The following SRGAP2B variants were observed in gnomAD, a reference collection of about 807,000 sequenced individuals.
SRGAP2B encodes SLIT-ROBO Rho GTPase activating protein 2B, also known as SLIT-ROBO Rho GTPase-activating protein 2B.
In SRGAP2B, 9 loss-of-function variants were observed where a neutral mutation model predicts 22.2. The observed-to-expected ratio is 0.41, with a 90% CI of 0.24 to 0.71. The LOEUF is 0.71. SRGAP2B is among the 30% of genes least tolerant of loss of function. SRGAP2B has a pLI of 0.35. For missense variants in SRGAP2B, 114 were observed against 235.8 expected (o/e 0.48, Z 3.38); for synonymous variants, 36 against 87.4 (o/e 0.41, Z 3.28).
chr1:145,064,813 T>C (rs1204817795), intron 2 of SRGAP2B, among the ~76,000 whole-genome samples: 1 of 148,740 alleles, frequency 6.7e-6, no homozygotes, highest in Non-Finnish European at 1.5e-5. Context: ...GAGATAATCA[T>C]AATACACAGG....
chr1:144,907,575 G>C (rs1366916317), intron 5 of SRGAP2B, among the ~76,000 whole-genome samples: 4 of 150,022 alleles, frequency 2.7e-5, no homozygotes, highest in Non-Finnish European at 5.9e-5. Flanking sequence ...TCTCAACCTG[G>C]GGCTATTTTG....
At chr1:145,020,507 C>T (rs587615305) in intron 2 of SRGAP2B, among the ~76,000 whole-genome samples, 1 of 146,352 alleles carries the variant, frequency 6.8e-6, no homozygotes, top group South Asian at 2.1e-4. Flanking sequence ...CACAACTACC[C>T]AGCATTCTTG....
exon 10 of SRGAP2B, chr1:144,888,960 T>G (rs1216078069): frequency 6.9e-6 from 1 of 145,276 alleles, no homozygotes; most frequent in African/African-American, 2.7e-5. Flanking sequence ...TTTTAATCTT[T>G]CTTTTTTTTT....
intron 2 of SRGAP2B, among the ~76,000 whole-genome samples, chr1:145,007,855 G>A (rs1245097351): frequency 1.1e-5 from 1 of 94,880 alleles, no homozygotes; most frequent in Non-Finnish European, 1.9e-5. Context: ...TGCCCAGGCT[G>A]GAGTGCAATA....
At chr1:145,020,946 T>A (rs1338099325) in intron 2 of SRGAP2B, among the ~76,000 whole-genome samples, 2 of 149,034 alleles carry the variant, frequency 1.3e-5, no homozygotes, top group African/African-American at 5.1e-5. Flanking sequence ...ATTACAAGCG[T>A]GCGCCACCAT....
At position 145,013,150 on chromosome 1, in the gene SRGAP2B, T is replaced by TC. The variant is rs1672181972; in HGVS notation, c.68-17951_68-17950insG. ...ATAAGAATATCCCTTTCAAATAAGCTGACACTTTTTGAACATGTAATAACC... is the reference window on the plus strand; with the variant it reads ...ATAAGAATATCCCTTTCAAATAAGCTCGACACTTTTTGAACATGTAATAACC... On this transcript the variant is annotated intron_variant, in intron 2 of 9. Transcript: ENST00000612199. Among the ~76,000 whole-genome samples, 2 of 150,072 alleles carry TC rather than the reference T, an allele frequency of 1.3e-5. 1 individual carries two copies. Among genetic ancestry groups the TC allele is most frequent in the African/African-American group, 5.0e-5 (2 of 39,758 alleles).
intron 4 of SRGAP2B, among the ~76,000 whole-genome samples, chr1:144,921,193 T>C (rs1160022548): frequency 7.2e-6 from 1 of 138,136 alleles, no homozygotes; most frequent in Non-Finnish European, 1.5e-5. Flanking sequence ...AGATCAATTT[T>C]TTTTCCTGTC....
intron 3 of SRGAP2B, among the ~76,000 whole-genome samples, chr1:144,958,266 C>A (rs1667420159): frequency 1.3e-5 from 2 of 151,016 alleles, no homozygotes; most frequent in Non-Finnish European, 2.9e-5. Context: ...AAGGTGTCCT[C>A]AAAAGAAAAG....
intron 2 of SRGAP2B, among the ~76,000 whole-genome samples, chr1:145,021,507 A>G (rs1163674164): frequency 9.6e-6 from 1 of 104,332 alleles, no homozygotes; most frequent in Non-Finnish European, 1.9e-5. Context: ...GCATGAAGAA[A>G]AACAATTTTG....
chr1:145,019,878 G>A (rs1222149488), intron 2 of SRGAP2B, among the ~76,000 whole-genome samples: 13 of 150,470 alleles, frequency 8.6e-5, no homozygotes, highest in South Asian at 2.1e-4. Flanking sequence ...GTCCTTTTCC[G>A]CCTCATTCCC....
intron 3 of SRGAP2B, among the ~76,000 whole-genome samples, chr1:144,988,694 T>G (rs1164112337): frequency 6.7e-5 from 10 of 149,392 alleles, no homozygotes; most frequent in Non-Finnish European, 1.3e-4. Context: ...ACTCCGAAGA[T>G]TCTGCTAGCT....
chr1:144,930,613 G>A (rs1665099884), intron 4 of SRGAP2B, among the ~76,000 whole-genome samples: 1 of 150,804 alleles, frequency 6.6e-6, no homozygotes, highest in South Asian at 2.1e-4. Context: ...CGTGAGACAT[G>A]TGAAAATGTC....
rs201885834 is a variant in SRGAP2B, at chr1:144,995,928, A to AT, written c.68-729dup. Among the ~76,000 whole-genome samples the AT allele has an allele frequency of 2.0e-5, 3 of 150,676 alleles. 1 individual carries two copies. Among genetic ancestry groups the AT allele is most frequent in the Non-Finnish European group, 4.4e-5 (3 of 67,956 alleles). On this transcript the variant is annotated intron_variant, in intron 2 of 9. Transcript: ENST00000612199. ...ATTTTTTAAGAAGACTTGGAAAGAG[A>AT]TTTTTTTCACTAACAAATATCACTC... is the stretch of plus-strand genomic sequence containing the variant.
chr1:145,006,183 TCAA>T (rs1376392394), intron 2 of SRGAP2B, among the ~76,000 whole-genome samples: 2 of 150,940 alleles, frequency 1.3e-5, no homozygotes, highest in Admixed American at 6.6e-5. Flanking sequence ...AGCAGTCATG[TCAA>T]CAACAAGTAC....
rs1288113491 is a variant in SRGAP2B, at chr1:145,076,064, T to C, written c.67+16771A>G. Among the ~76,000 whole-genome samples, 3 of 150,506 alleles carry C rather than the reference T, an allele frequency of 2.0e-5. 1 individual carries two copies. The highest frequency in any genetic ancestry group is 4.4e-5 in the Non-Finnish European group (3 of 67,742). ...AACATATATTATGCCAGTTTCTTGA[T>C]AAGGAAATTGAAACAACTTAAATGA... is the stretch of plus-strand genomic sequence containing the variant. On this transcript the variant is annotated intron_variant, in intron 2 of 9. Coordinates refer to ENST00000612199, the Ensembl canonical transcript of SRGAP2B.
chr1:144,993,974 C>A (rs1670460889), intron 3 of SRGAP2B, among the ~76,000 whole-genome samples: 1 of 150,260 alleles, frequency 6.7e-6, no homozygotes, highest in Non-Finnish European at 1.5e-5. Context: ...GGTTTTTTTG[C>A]AATTTTTTTT....
At chr1:144,932,342 G>A (rs1414249245) in intron 4 of SRGAP2B, among the ~76,000 whole-genome samples, 1 of 151,012 alleles carries the variant, frequency 6.6e-6, no homozygotes, top group Non-Finnish European at 1.5e-5. Context: ...CACCCTTTGT[G>A]TCACTGTGCC....
In SRGAP2B at chr1:144,917,702, C is replaced by G. The variant is rs1650824278; in HGVS notation, c.424-2948G>C. ...GAAGTGATCTGACTTACTGCTCCCTCTGGCTGAGGGTTGGGCTGGGAATAC... is the reference window on the plus strand; with the variant it reads ...GAAGTGATCTGACTTACTGCTCCCTGTGGCTGAGGGTTGGGCTGGGAATAC... On this transcript the variant is annotated intron_variant, in intron 4 of 9. Transcript: ENST00000612199. 2.8e-5 allele frequency among the ~76,000 whole-genome samples: 4 copies of G among 140,972 alleles called. 1 individual carries two copies. Among genetic ancestry groups the G allele is most frequent in the Admixed American group, 2.7e-4 (4 of 14,580 alleles). The allele number at this position is 140,972 out of a possible 152,430, so 92.5% of individuals were successfully genotyped here.
intron 4 of SRGAP2B, among the ~76,000 whole-genome samples, chr1:144,922,544 C>G (rs587756109): frequency 6.7e-6 from 1 of 150,286 alleles, no homozygotes; most frequent in Non-Finnish European, 1.5e-5. Context: ...ACAAAACTCC[C>G]AAAACGAAAC....
Sources: gnomAD v4.1 joint callset for allele counts (sites outside exome capture counted in the v4.1 genomes callset) on GRCh38, gnomAD v4.1.1 for gene constraint, MANE v1.5 for transcripts, NCBI Gene and HGNC (gene_info 2026-07-23, HGNC 2026-07-21) for gene names.